The following HAVCR2 variants were observed in gnomAD, a reference collection of about 807,000 sequenced individuals.
The protein encoded by HAVCR2 is hepatitis A virus cellular receptor 2, also known as T cell immunoglobulin mucin 3.
In HAVCR2, 13 loss-of-function variants were observed where a neutral mutation model predicts 24.7. The ratio of observed to expected loss-of-function variants is 0.53; its 90% CI spans 0.34 to 0.84. The LOEUF (loss-of-function observed/expected upper bound fraction) is 0.84. HAVCR2 is among the 40% of genes least tolerant of loss of function. The probability of loss-of-function intolerance (pLI) is 0.01; values close to 1 mark genes in which losing one functional copy is unlikely to be tolerated. For synonymous variants in HAVCR2, 154 were observed against 143.4 expected (o/e 1.07, Z -0.53); for missense variants, 343 against 371.2 (o/e 0.92, Z 0.62).
At position 157,095,357 on chromosome 5, in the gene HAVCR2, TC is replaced by T; in HGVS notation, c.624del (p.Ile209SerfsTer14). ...AGAGCCAGAGCCAGCCCAGCACAGA[TC>T]CCTGCTCCGATGTAGATGCCTATTC... ...TIRIGIYIGAGICAGLALALI... is the reference protein window; with the variant it reads ...TIRIGIYIGAXICAGLALALI... On this transcript the variant is annotated frameshift_variant, in exon 5 of 7. Transcript: ENST00000307851. LOFTEE classifies it high-confidence loss of function. 3 of 1,614,146 alleles carry T rather than the reference TC, an allele frequency of 1.9e-6. No homozygotes were observed. The highest frequency in any genetic ancestry group is 1.7e-6 in the Non-Finnish European group (2 of 1,180,022).
intron 3 of HAVCR2, among the ~76,000 whole-genome samples, chr5:157,103,481 T>C (rs1245142322): frequency 6.6e-6 from 1 of 152,162 alleles, no homozygotes; most frequent in Non-Finnish European, 1.5e-5. Context: ...AATATAACAA[T>C]GGCATACAAT....
At position 157,106,622 on chromosome 5, in the gene HAVCR2, C is replaced by T; in HGVS notation, c.394+5G>A. 1.9e-6 allele frequency: 3 copies of T among 1,610,008 alleles called. No homozygotes were observed. The highest frequency in any genetic ancestry group is 2.6e-6 in the Non-Finnish European group (3 of 1,176,278). On this transcript the variant is annotated splice_donor_5th_base_variant and intron_variant, in intron 2 of 6. Coordinates refer to ENST00000307851, the MANE Select transcript of HAVCR2 (RefSeq NM_032782.5). ...CATAAAGATGGCATGCAAATGTCCA[C>T]TCACCTGGTTTGATGACCAACTTCA...
At chr5:157,093,518 C>G (rs555664064) in intron 5 of HAVCR2, among the ~76,000 whole-genome samples, 1 of 152,146 alleles carries the variant, frequency 6.6e-6, no homozygotes, top group South Asian at 2.1e-4. Context: ...TTGAGCTAAT[C>G]TGAGGTGATT....
intron 2 of HAVCR2, 141 bp from the exon 3 acceptor site, chr5:157,104,890 T>C: frequency 1.8e-6 from 1 of 568,018 alleles, no homozygotes; most frequent in Non-Finnish European, 3.2e-6. Context: ...CCTGCCTGGA[T>C]ACCTACGTTG....
chr5:157,095,607 C>T, intron 4 of HAVCR2, 148 bp from the exon 5 acceptor site: 1 of 844,296 alleles, frequency 1.2e-6, no homozygotes, highest in South Asian at 1.7e-5. Context: ...CACCTTGTAG[C>T]CAACACTCAA....
At chr5:157,104,794 A>G in intron 2 of HAVCR2, 45 bp from the exon 3 acceptor site, 1 of 1,381,538 alleles carries the variant, frequency 7.2e-7, no homozygotes, top group East Asian at 2.4e-5. Context: ...CTGAGAGCAG[A>G]AAGCTTATTT....
At chr5:157,089,643 TAGAG>T (rs1392193954) in intron 5 of HAVCR2, among the ~76,000 whole-genome samples, 5 of 151,818 alleles carry the variant, frequency 3.3e-5, no homozygotes, top group Non-Finnish European at 7.4e-5. Flanking sequence ...AAACAGATAA[TAGAG>T]AGGGTGGTCA....
At position 157,106,737 on chromosome 5, in the gene HAVCR2, AG is replaced by A. The variant is rs773994297; in HGVS notation, c.283del (p.Leu95Ter). On this transcript the variant is annotated frameshift_variant, in exon 2 of 7. Transcript: ENST00000307851. LOFTEE classifies it high-confidence loss of function. ...TGCTAGAGTCACATTCTCTATGGTCAGGGACACATCTCCTTTGCGGAAATCC... is the reference window on the plus strand; with the variant it reads ...TGCTAGAGTCACATTCTCTATGGTCAGGACACATCTCCTTTGCGGAAATCC... ...NGDFRKGDVS[L>X]TIENVTLADS... 10 of 1,614,090 alleles carry A rather than the reference AG, an allele frequency of 6.2e-6. No homozygotes were observed. The highest frequency in any genetic ancestry group is 8.5e-6 in the Non-Finnish European group (10 of 1,180,042).
intron 2 of HAVCR2, chr5:157,105,011 G>T: frequency 4.5e-6 from 1 of 224,614 alleles, no homozygotes; most frequent in Non-Finnish European, 8.7e-6. Flanking sequence ...CATAATTACA[G>T]GTTGAAGACT....
At chr5:157,105,569 G>A (rs34357114) in intron 2 of HAVCR2, among the ~76,000 whole-genome samples, 20,461 of 152,010 alleles carry the variant, frequency 0.13, 1,445 homozygotes, top group South Asian at 0.21. Flanking sequence ...TCCTTCTAAT[G>A]GCCCACATGA....
chr5:157,092,878 C>CA lies in HAVCR2; in HGVS notation c.676+2427dup, dbSNP rs556443053. Reference sequence around the variant, plus strand: ...CAACATGGCAAAACCCTGTCTCTACCAAAAAAAAAAAAAAAAAAAAAAAAA... The same window carrying CA: ...CAACATGGCAAAACCCTGTCTCTACCAAAAAAAAAAAAAAAAAAAAAAAAAA... On this transcript the variant is annotated intron_variant, in intron 5 of 6. Transcript: ENST00000307851. Among the ~76,000 whole-genome samples the CA allele has an allele frequency of 4.3e-4, 19 of 44,040 alleles. 3 individuals carry two copies. The highest frequency in any genetic ancestry group is 1.5e-3 in the African/African-American group (18 of 12,174). The allele number at this position is 44,040 out of a possible 152,430, so 28.9% of individuals were successfully genotyped here. A position where few individuals can be genotyped will look rare whatever the true frequency, so the allele number is the denominator to read the frequency against.
At chr5:157,101,924 T>C (rs1757172724) in intron 3 of HAVCR2, among the ~76,000 whole-genome samples, 1 of 149,924 alleles carries the variant, frequency 6.7e-6, no homozygotes, top group South Asian at 2.1e-4. Flanking sequence ...TACAGGCACA[T>C]GCCACCATGC....
At chr5:157,104,887 G>T in intron 2 of HAVCR2, 138 bp from the exon 3 acceptor site, 1 of 568,872 alleles carries the variant, frequency 1.8e-6, no homozygotes, top group East Asian at 3.2e-5. Context: ...AAACCTGCCT[G>T]GATACCTACG....
At chr5:157,102,230 C>A (rs1229526081) in intron 3 of HAVCR2, among the ~76,000 whole-genome samples, 1 of 152,018 alleles carries the variant, frequency 6.6e-6, no homozygotes, top group South Asian at 2.1e-4. Context: ...AGCCACTGCA[C>A]TCAGCCTAAT....
At position 157,086,891 on chromosome 5, in the gene HAVCR2, G is replaced by GTC. The variant is rs1038525142; in HGVS notation, c.*210_*211insGA. The GTC allele has an allele frequency of 7.7e-6, 4 of 522,534 alleles. No individual in the cohort carries two copies. The African/African-American group carries it at 7.9e-5, about 10-fold the overall frequency. 32.4% of individuals were successfully genotyped at this position (522,534 alleles called of 1,614,324 possible). On this transcript the variant is annotated 3_prime_UTR_variant, in exon 7 of 7. Coordinates refer to ENST00000307851, the MANE Select transcript of HAVCR2 (RefSeq NM_032782.5). ...CCATGATTAACAGTCTCTGGGTTGG[G>GTC]TAACTCTGTTGGCTTAAATACAGAG...
chr5:157,100,389 G>T (rs938963148), intron 3 of HAVCR2, among the ~76,000 whole-genome samples: 24 of 152,104 alleles, frequency 1.6e-4, no homozygotes, highest in Non-Finnish European at 1.8e-4. Flanking sequence ...ACGTTGCCCA[G>T]CCACCCACTC....
At chr5:157,091,701 G>C (rs115961055) in intron 5 of HAVCR2, among the ~76,000 whole-genome samples, 5,050 of 152,232 alleles carry the variant, frequency 0.033, 150 homozygotes, top group Non-Finnish European at 0.046. Flanking sequence ...AGCATAAACA[G>C]AAAAGGAGAG....
intron 3 of HAVCR2, among the ~76,000 whole-genome samples, chr5:157,099,390 G>A (rs1757139702): frequency 6.6e-6 from 1 of 151,226 alleles, no homozygotes; most frequent in African/African-American, 2.4e-5. Flanking sequence ...CCAAGTAGCT[G>A]GGACTACATG....
intron 5 of HAVCR2, among the ~76,000 whole-genome samples, chr5:157,091,411 A>G (rs1479949851): frequency 1.3e-5 from 2 of 151,728 alleles, no homozygotes; most frequent in African/African-American, 4.8e-5. Flanking sequence ...GCACCATTGC[A>G]CTCCAGCCTA....
Sources: allele counts gnomAD v4.1 joint callset (sites outside exome capture counted in the v4.1 genomes callset), GRCh38; gene constraint gnomAD v4.1.1; transcripts MANE v1.5; gene names NCBI Gene and HGNC (gene_info 2026-07-23, HGNC 2026-07-21).